OXSR1: variants seen among roughly 807,000 people sequenced by gnomAD.
The protein encoded by OXSR1 is oxidative stress responsive kinase 1.
In OXSR1, 24 loss-of-function variants were observed where a neutral mutation model predicts 79.8. That is an observed-to-expected ratio of 0.30 (90% confidence interval 0.22 to 0.42). The LOEUF (loss-of-function observed/expected upper bound fraction) is 0.42, where lower values mean the gene tolerates loss of function less well. OXSR1 is among the 10% of genes least tolerant of loss of function. The pLI is 1.00. For synonymous variants in OXSR1, 226 were observed against 209.2 expected (o/e 1.08, Z -0.69); for missense variants, 430 against 618.4 (o/e 0.70, Z 3.23).
chr3:38,204,419 AC>A (rs1702228341), intron 4 of OXSR1, among the ~76,000 whole-genome samples: 1 of 151,896 alleles, frequency 6.6e-6, no homozygotes, highest in Admixed American at 6.6e-5. Flanking sequence ...CCCTGTAGCC[AC>A]CATAGCTTGG....
intron 5 of OXSR1, among the ~76,000 whole-genome samples, chr3:38,220,269 ATC>A (rs1702563160): frequency 1.3e-5 from 2 of 152,208 alleles, no homozygotes; most frequent in South Asian, 4.1e-4. Context: ...AGACTTCTGA[ATC>A]TGGAATTTTA....
intron 12 of OXSR1, among the ~76,000 whole-genome samples, chr3:38,244,637 C>CTGCGTGTGTGTG (rs1553639086): frequency 4.0e-5 from 4 of 99,400 alleles, no homozygotes; most frequent in African/African-American, 1.3e-4. Flanking sequence ...TAATATTCCT[C>CTGCGTGTGTGTG]TGTGTGTGTG....
chr3:38,203,360 G>C (rs1196458824), intron 4 of OXSR1, among the ~76,000 whole-genome samples: 2 of 152,020 alleles, frequency 1.3e-5, no homozygotes. Context: ...GCCACTACTG[G>C]TCTCCGTGTC....
At chr3:38,233,836 C>T (rs1348630772) in intron 10 of OXSR1, among the ~76,000 whole-genome samples, 1 of 151,746 alleles carries the variant, frequency 6.6e-6, no homozygotes, top group Non-Finnish European at 1.5e-5. Context: ...CGCTTGAGCC[C>T]AGGAGGTAGA....
intron 10 of OXSR1, among the ~76,000 whole-genome samples, chr3:38,232,308 G>A (rs1460313015): frequency 6.6e-6 from 1 of 151,956 alleles, no homozygotes; most frequent in Non-Finnish European, 1.5e-5. Context: ...TCTGGTCCCG[G>A]CTATTCAGGA....
intron 12 of OXSR1, 79 bp downstream of exon 12, chr3:38,242,857 G>A: frequency 1.2e-6 from 1 of 849,668 alleles, no homozygotes; most frequent in Admixed American, 2.1e-5. Context: ...GCTTTTGTTT[G>A]TGCATATGTA....
chr3:38,177,470 A>T (rs1575309228), intron 1 of OXSR1, among the ~76,000 whole-genome samples: 1 of 152,360 alleles, frequency 6.6e-6, no homozygotes, highest in South Asian at 2.1e-4. Flanking sequence ...TCAAGTAATA[A>T]GTTAATGTTC....
chr3:38,217,178 A>T (rs1266024421), intron 5 of OXSR1, among the ~76,000 whole-genome samples: 3 of 152,368 alleles, frequency 2.0e-5, no homozygotes, highest in African/African-American at 7.2e-5. Flanking sequence ...GTTCAAGCTT[A>T]CACTAGTAAT....
chr3:38,236,057 G>A (rs191420691), intron 10 of OXSR1, among the ~76,000 whole-genome samples: 1 of 152,276 alleles, frequency 6.6e-6, no homozygotes, highest in Non-Finnish European at 1.5e-5. Flanking sequence ...GGTAAAAGGA[G>A]TTATAAACAG....
chr3:38,181,525 T>C (rs951910763), intron 1 of OXSR1, among the ~76,000 whole-genome samples: 6 of 151,846 alleles, frequency 4.0e-5, no homozygotes, highest in South Asian at 4.2e-4. Flanking sequence ...CCAGCTAATT[T>C]TTGTATTTTT....
At chr3:38,201,461 A>C (rs1250315544) in intron 4 of OXSR1, among the ~76,000 whole-genome samples, 1 of 152,120 alleles carries the variant, frequency 6.6e-6, no homozygotes, top group African/African-American at 2.4e-5. Context: ...CTGTAATCCC[A>C]GCACTTTGGG....
At chr3:38,179,232 A>G (rs191288969) in intron 1 of OXSR1, among the ~76,000 whole-genome samples, 1 of 152,112 alleles carries the variant, frequency 6.6e-6, no homozygotes, top group Non-Finnish European at 1.5e-5. Flanking sequence ...GTCCCACTAT[A>G]TTGCCCAGGC....
intron 4 of OXSR1, among the ~76,000 whole-genome samples, chr3:38,208,194 C>T (rs189434537): frequency 1.4e-3 from 206 of 151,894 alleles, no homozygotes; most frequent in African/African-American, 4.8e-3. Context: ...CAAATGTTTC[C>T]TCTTTGGCCG....
chr3:38,234,605 G>C (rs1702881350), intron 10 of OXSR1, among the ~76,000 whole-genome samples: 1 of 152,214 alleles, frequency 6.6e-6, no homozygotes. Context: ...TGTTGGTAAA[G>C]ATGTGGAGAG....
intron 9 of OXSR1, among the ~76,000 whole-genome samples, chr3:38,229,979 A>G (rs1702771531): frequency 6.6e-6 from 1 of 152,238 alleles, no homozygotes; most frequent in South Asian, 2.1e-4. Context: ...TTTTGCCATT[A>G]TAAATATAAT....
intron 4 of OXSR1, among the ~76,000 whole-genome samples, chr3:38,200,140 C>G (rs1702137617): frequency 6.6e-6 from 1 of 152,202 alleles, no homozygotes; most frequent in African/African-American, 2.4e-5. Flanking sequence ...TTTATTGGCA[C>G]TGCTCGTTAG....
intron 1 of OXSR1, among the ~76,000 whole-genome samples, chr3:38,175,878 G>A (rs866974899): frequency 3.3e-5 from 5 of 152,274 alleles, no homozygotes; most frequent in African/African-American, 9.6e-5. Flanking sequence ...TTGAGGAGGC[G>A]TGCCAATGTG....
In OXSR1 at chr3:38,216,122, T is replaced by C; in HGVS notation, c.461T>C (p.Leu154Pro). ...GATGTGAAAGCTGGAAACATTCTTC[T>C]TGGAGAAGATGGCTCAGTACAGATT... ...HRDVKAGNILLGEDGSVQIAD... is the reference protein window; with the variant it reads ...HRDVKAGNILPGEDGSVQIAD... The change falls in exon 5 of 18, where the codon CTT (leucine) becomes CCT (proline). Residue 154 changes from leucine (L) to proline (P), a missense_variant. Physicochemically the swap from Leu to Pro is moderately conservative, Grantham distance 98. Coordinates refer to ENST00000311806, the MANE Select transcript of OXSR1 (RefSeq NM_005109.3). The C allele has an allele frequency of 6.2e-7, 1 of 1,600,414 alleles. No individual in the cohort carries two copies. The highest frequency in any genetic ancestry group is 8.5e-7 in the Non-Finnish European group (1 of 1,171,250).
Position 38,221,548 on chromosome 3 carries a change from T to C in OXSR1, c.491-30T>C, listed in dbSNP as rs376185375. 2.4e-6 allele frequency: 3 copies of C among 1,231,114 alleles called. No homozygotes were observed. The African/African-American group carries it at 4.5e-5, about 18-fold the overall frequency. The allele number at this position is 1,231,114 out of a possible 1,614,324, so 76.3% of individuals were successfully genotyped here. ...TTCATTTATGATAGTTGATGCACTT[T>C]AAATACCTTGCTGTTGTATTCTATT... On this transcript the variant is annotated intron_variant, in intron 5 of 17. Transcript: ENST00000311806.
Sources: allele counts gnomAD v4.1 joint callset (sites outside exome capture counted in the v4.1 genomes callset), GRCh38; gene constraint gnomAD v4.1.1; transcripts MANE v1.5; gene names NCBI Gene and HGNC (gene_info 2026-07-23, HGNC 2026-07-21).